The following CRISP2 variants were observed in gnomAD, a reference collection of about 807,000 sequenced individuals.
CRISP2 encodes cysteine-rich secretory protein 2.
Under a neutral mutation model 31.7 loss-of-function variants are expected in CRISP2, and 29 were observed. The ratio of observed to expected loss-of-function variants is 0.92; its 90% CI spans 0.68 to 1.25. CRISP2 has a LOEUF of 1.25. CRISP2 is among the 50% of genes most tolerant of loss of function. The pLI is 0.00. For synonymous variants in CRISP2, 111 were observed against 101.4 expected (o/e 1.09, Z -0.57); for missense variants, 318 against 286.5 (o/e 1.11, Z -0.79).
chr6:49,678,361 A>C, the CRISP2 span, among the ~76,000 whole-genome samples: 1 of 152,106 alleles, frequency 6.6e-6, no homozygotes, highest in Non-Finnish European at 1.5e-5. Flanking sequence ...CATTCCAAGA[A>C]ATGCCATTCT....
chr6:49,700,270 T>A (rs1199913449), intron 5 of CRISP2, among the ~76,000 whole-genome samples: 6 of 152,140 alleles, frequency 3.9e-5, no homozygotes, highest in Admixed American at 3.9e-4. Flanking sequence ...ATGTAAGCCA[T>A]TGCTTTCATA....
rs116896543 is a variant in CRISP2, at chr6:49,698,280, A to G, written c.417+82T>C. On this transcript the variant is annotated intron_variant, in intron 7 of 9. Transcript: ENST00000339139. The stretch of plus-strand genomic sequence containing the variant: ...CCACTCGGACTGTTCTCCTAAATTG[A>G]ACATTACAGTGGTCATAATTTGGAG... 2,570 of 1,471,532 alleles carry G rather than the reference A, an allele frequency of 1.7e-3. 37 individuals carry two copies. The Admixed American group carries it at 0.026, about 15-fold the overall frequency. The allele number at this position is 1,471,532 out of a possible 1,614,324, so 91.2% of individuals were successfully genotyped here.
intron 4 of CRISP2, among the ~76,000 whole-genome samples, chr6:49,702,687 A>G (rs181913758): frequency 2.0e-5 from 3 of 151,970 alleles, no homozygotes; most frequent in Admixed American, 2.0e-4. Context: ...TTCCTTGTAG[A>G]TTCTGGATAT....
intron 8 of CRISP2, 145 bp downstream of exon 8, chr6:49,697,715 T>C: frequency 6.5e-7 from 1 of 1,530,102 alleles, no homozygotes; most frequent in Admixed American, 2.0e-5. Flanking sequence ...AAGTTGAAAG[T>C]GTCTCAACCT....
At chr6:49,695,755 AG>A (rs1764626163) in intron 9 of CRISP2, 80 bp downstream of exon 9, 13 of 1,099,972 alleles carry the variant, frequency 1.2e-5, no homozygotes, top group Non-Finnish European at 1.7e-5. Flanking sequence ...TCATTACGTT[AG>A]GAGATTTGTT....
rs1355611169 is a variant in CRISP2, at chr6:49,709,167, A to C, written c.30T>G (p.Val10=). The change falls in exon 4 of 10, where the codon GTT becomes GTG. Residue 10 remains valine (V), a synonymous_variant. Coordinates refer to ENST00000339139, the MANE Select transcript of CRISP2 (RefSeq NM_003296.4). ...CAGGTAAAGATGGAAGCAGCACAGTAACCAGAAACAACACCGGTAGTAAAG... is the reference window on the plus strand; with the variant it reads ...CAGGTAAAGATGGAAGCAGCACAGTCACCAGAAACAACACCGGTAGTAAAG... MALLPVLFL[V]TVLLPSLPAE... 6.2e-7 allele frequency: 1 copy of C among 1,613,830 alleles called. No homozygotes were observed. Among genetic ancestry groups the C allele is most frequent in the Non-Finnish European group, 8.5e-7 (1 of 1,179,932 alleles).
chr6:49,681,670 T>C, the CRISP2 span, among the ~76,000 whole-genome samples: 3 of 152,186 alleles, frequency 2.0e-5, no homozygotes, highest in African/African-American at 7.2e-5. Flanking sequence ...TTAAAAATGA[T>C]GAAATCACTT....
rs911614060 is a variant in CRISP2 at position 49,709,328 on chromosome 6, A to G, written c.-9-123T>C. ...AACTGTGATTCCCAGATTCATTAAC[A>G]ATGGAACAAAAGAAGAATTGCCCTA... On this transcript the variant is annotated intron_variant, in intron 3 of 9. Transcript: ENST00000339139. 1.4e-5 allele frequency: 11 copies of G among 814,526 alleles called. No homozygotes were observed. The African/African-American group carries it at 1.6e-4, about 12-fold the overall frequency. The allele number at this position is 814,526 out of a possible 1,614,324, so 50.5% of individuals were successfully genotyped here.
chr6:49,681,726 A>AT, the CRISP2 span, among the ~76,000 whole-genome samples: 30 of 152,096 alleles, frequency 2.0e-4, 1 homozygote, highest in East Asian at 5.4e-3. Context: ...GTTTTCTTTT[A>AT]TTTTTTTCCC....
chr6:49,676,731 T>C, the CRISP2 span, among the ~76,000 whole-genome samples: 7 of 152,152 alleles, frequency 4.6e-5, no homozygotes, highest in East Asian at 1.9e-4. Flanking sequence ...ACAAATTTGC[T>C]CCATGAAGGG....
chr6:49,678,396 C>G, the CRISP2 span, among the ~76,000 whole-genome samples: 1 of 152,062 alleles, frequency 6.6e-6, no homozygotes, highest in Non-Finnish European at 1.5e-5. Context: ...AAATAAACTC[C>G]AATTGCTTTT....
chr6:49,694,459 A>G (rs1243360233), intron 9 of CRISP2, among the ~76,000 whole-genome samples: 2 of 152,078 alleles, frequency 1.3e-5, no homozygotes, highest in African/African-American at 4.8e-5. Context: ...CAATCTGCAT[A>G]CCAATCTGGA....
the CRISP2 span, among the ~76,000 whole-genome samples, chr6:49,686,849 T>C: frequency 6.6e-6 from 1 of 152,146 alleles, no homozygotes; most frequent in Non-Finnish European, 1.5e-5. Context: ...GTGGCACATA[T>C]ACACCATGGA....
intron 4 of CRISP2, among the ~76,000 whole-genome samples, chr6:49,708,490 G>C (rs1767446659): frequency 6.6e-6 from 1 of 152,130 alleles, no homozygotes; most frequent in South Asian, 2.1e-4. Context: ...GAGACATACA[G>C]AGAAGGGAAG....
the CRISP2 span, among the ~76,000 whole-genome samples, chr6:49,681,205 T>C: frequency 3.8e-3 from 582 of 152,324 alleles, 4 homozygotes; most frequent in African/African-American, 0.014. Context: ...TTTAATCTTC[T>C]ACATGTGGTT....
At chr6:49,685,151 G>A in the CRISP2 span, among the ~76,000 whole-genome samples, 1 of 152,166 alleles carries the variant, frequency 6.6e-6, no homozygotes, top group Non-Finnish European at 1.5e-5. Context: ...CACCAATGCT[G>A]CAGTGATAAA....
intron 4 of CRISP2, among the ~76,000 whole-genome samples, chr6:49,705,235 C>G (rs1232595087): frequency 5.3e-5 from 8 of 151,910 alleles, no homozygotes; most frequent in Admixed American, 2.6e-4. Flanking sequence ...GAGTTATGTT[C>G]CAAGGGGGCT....
At position 49,699,753 on chromosome 6, in the gene CRISP2, T is replaced by C. The variant is rs752691559; in HGVS notation, c.271+51A>G. 9 of 1,266,092 alleles carry C rather than the reference T, an allele frequency of 7.1e-6. No homozygotes were observed. The South Asian group carries it at 1.0e-4, about 14-fold the overall frequency. The allele number at this position is 1,266,092 out of a possible 1,614,324, so 78.4% of individuals were successfully genotyped here. On this transcript the variant is annotated intron_variant, in intron 6 of 9. Transcript: ENST00000339139. Reference sequence around the variant, plus strand: ...TTATAGAGCATCCTACAATGCTCTATTATTATTTTATTCATTTATTTATTC... The same window carrying C: ...TTATAGAGCATCCTACAATGCTCTACTATTATTTTATTCATTTATTTATTC...
chr6:49,698,447 A>T lies in CRISP2; in HGVS notation c.332T>A (p.Ile111Asn). The T allele has an allele frequency of 6.2e-7, 1 of 1,613,486 alleles. No homozygotes were observed. Among genetic ancestry groups the T allele is most frequent in the South Asian group, 1.1e-5 (1 of 91,006 alleles). Residue 111 changes from isoleucine (I) to asparagine (N), a missense_variant, in exon 7 of 10, where the codon ATC becomes AAC. Physicochemically the swap from Ile to Asn is moderately radical, Grantham distance 149. Coordinates refer to ENST00000339139, the MANE Select transcript of CRISP2 (RefSeq NM_003296.4). Reference protein sequence around the residue: ...SSDPTSWSSAIQSWYDEILDF... With the variant: ...SSDPTSWSSANQSWYDEILDF... The stretch of plus-strand genomic sequence containing the variant: ...TAGGATCTCGTCATACCAGCTTTGG[A>T]TTGCAGAAGACCAGGAAGTAGGGTC...
Sources: allele counts gnomAD v4.1 joint callset (sites outside exome capture counted in the v4.1 genomes callset), GRCh38; gene constraint gnomAD v4.1.1; transcripts MANE v1.5; gene names NCBI Gene and HGNC (gene_info 2026-07-23, HGNC 2026-07-21).